The following ERI3 variants were observed in gnomAD, a reference collection of about 807,000 sequenced individuals.
ERI3 encodes ERI1 exoribonuclease family member 3, also known as ERI1 exoribonuclease 3.
In ERI3, 18 loss-of-function variants were observed where a neutral mutation model predicts 44.4. That is an observed-to-expected ratio of 0.41 (90% confidence interval 0.28 to 0.60). ERI3 has a LOEUF of 0.60. Among genes scored for constraint, ERI3 ranks in the 20% least tolerant of loss-of-function variants. ERI3 has a pLI of 0.36. For synonymous variants in ERI3, 183 were observed against 164.8 expected (o/e 1.11, Z -0.84); for missense variants, 294 against 435.5 (o/e 0.68, Z 2.89).
chr1:44,304,136 G>C (rs944007966), intron 6 of ERI3, among the ~76,000 whole-genome samples: 2 of 152,156 alleles, frequency 1.3e-5, no homozygotes, highest in Admixed American at 1.3e-4. Context: ...AGGGGCCTAT[G>C]GACGTCTAGG....
At chr1:44,282,786 T>A (rs1282197572) in intron 7 of ERI3, among the ~76,000 whole-genome samples, 1 of 152,206 alleles carries the variant, frequency 6.6e-6, no homozygotes, top group Non-Finnish European at 1.5e-5. Context: ...CACGAGGAAA[T>A]CACAAGGCCA....
At chr1:44,318,462 G>A (rs1646134984) in intron 4 of ERI3, among the ~76,000 whole-genome samples, 1 of 152,210 alleles carries the variant, frequency 6.6e-6, no homozygotes, top group South Asian at 2.1e-4. Flanking sequence ...AGGGGAAAGG[G>A]GAAACCCCGG....
chr1:44,349,781 A>C (rs897842351), intron 2 of ERI3, among the ~76,000 whole-genome samples: 5 of 152,242 alleles, frequency 3.3e-5, no homozygotes, highest in Non-Finnish European at 5.9e-5. Context: ...TCTCCATTTT[A>C]CAGATAGCAA....
Position 44,324,316 on chromosome 1 carries a change from A to G in ERI3, c.490-4572T>C, listed in dbSNP as rs565690321. Among the ~76,000 whole-genome samples the G allele has an allele frequency of 9.9e-5, 15 of 152,244 alleles. 2 individuals carry two copies. Among genetic ancestry groups the G allele is most frequent in the African/African-American group, 3.6e-4 (15 of 41,526 alleles). Reference sequence around the variant, plus strand: ...ATGGTCAGTGGTACAGCCAGGATTCAAACTCAGATATTTCACAGTTCAAAG... The same window carrying G: ...ATGGTCAGTGGTACAGCCAGGATTCGAACTCAGATATTTCACAGTTCAAAG... On this transcript the variant is annotated intron_variant, in intron 3 of 8. Coordinates refer to ENST00000372257, the MANE Select transcript of ERI3 (RefSeq NM_024066.3).
chr1:44,250,302 C>A (rs1182569160), intron 7 of ERI3, among the ~76,000 whole-genome samples: 1 of 152,216 alleles, frequency 6.6e-6, no homozygotes, highest in Non-Finnish European at 1.5e-5. Context: ...CAGGGCAGCT[C>A]AACGTTATCT....
chr1:44,224,593 C>A (rs1242323512), intron 8 of ERI3, among the ~76,000 whole-genome samples: 1 of 152,176 alleles, frequency 6.6e-6, no homozygotes, highest in Admixed American at 6.5e-5. Flanking sequence ...TTTGCACATG[C>A]TGTTCTTTAT....
intron 7 of ERI3, among the ~76,000 whole-genome samples, chr1:44,262,895 T>C (rs1480755747): frequency 5.9e-5 from 9 of 152,150 alleles, no homozygotes; most frequent in Non-Finnish European, 1.2e-4. Context: ...TCAGCCTTTC[T>C]CTGGGCCAGA....
chr1:44,278,339 T>C (rs745951240), intron 7 of ERI3, among the ~76,000 whole-genome samples: 1 of 152,102 alleles, frequency 6.6e-6, no homozygotes, highest in Non-Finnish European at 1.5e-5. Context: ...TAGCTTGGCA[T>C]GGTAGCACAC....
At chr1:44,242,588 C>T (rs1402011798) in intron 8 of ERI3, among the ~76,000 whole-genome samples, 2 of 152,208 alleles carry the variant, frequency 1.3e-5, no homozygotes, top group South Asian at 2.1e-4. Flanking sequence ...GAACCCTCTG[C>T]AGAGAGGTGG....
At chr1:44,261,682 C>T (rs557598165) in intron 7 of ERI3, among the ~76,000 whole-genome samples, 1 of 152,364 alleles carries the variant, frequency 6.6e-6, no homozygotes, top group East Asian at 1.9e-4. Context: ...AAGAAAGGCT[C>T]GTTAACAGCT....
intron 8 of ERI3, chr1:44,244,312 G>C (rs1005364139): frequency 1.3e-5 from 2 of 153,474 alleles, no homozygotes; most frequent in South Asian, 2.1e-4. Flanking sequence ...CCAGGAGGAA[G>C]TGCCCTCCCC....
intron 6 of ERI3, among the ~76,000 whole-genome samples, chr1:44,298,044 C>A (rs1344739346): frequency 6.6e-6 from 1 of 152,218 alleles, no homozygotes; most frequent in African/African-American, 2.4e-5. Context: ...ACAGAAGAGC[C>A]TGGACATGAC....
chr1:44,222,477 CACAA>C (rs768101035), intron 8 of ERI3, among the ~76,000 whole-genome samples: 5 of 152,212 alleles, frequency 3.3e-5, no homozygotes, highest in Non-Finnish European at 7.3e-5. Context: ...CAGACTCTAT[CACAA>C]ACAGTTTCTC....
intron 1 of ERI3, chr1:44,353,832 C>G (rs1400927749): frequency 1.0e-6 from 1 of 985,226 alleles, no homozygotes; most frequent in Non-Finnish European, 1.2e-6. Flanking sequence ...TGAAGCACCA[C>G]AGAATCTATA....
intron 6 of ERI3, among the ~76,000 whole-genome samples, chr1:44,305,298 C>T (rs953683235): frequency 2.0e-5 from 3 of 152,220 alleles, no homozygotes; most frequent in African/African-American, 4.8e-5. Flanking sequence ...TCAGTCTACA[C>T]CAGCGCTAAC....
rs13353031 is a variant in ERI3, at chr1:44,296,712, T to C, written c.758+11598A>G. ...GGCCCCATAATGGAAAACTCCTGGC[T>C]CTCATCACTACCTAGGTGCTCCTTG... On this transcript the variant is annotated intron_variant, in intron 6 of 8. Transcript: ENST00000372257. Among the ~76,000 whole-genome samples the C allele has an allele frequency of 5.4e-3, 823 of 152,254 alleles. 5 individuals are homozygous for C. Among genetic ancestry groups the C allele is most frequent in the African/African-American group, 0.019 (777 of 41,534 alleles).
chr1:44,267,207 G>A (rs1645006128), intron 7 of ERI3, among the ~76,000 whole-genome samples: 1 of 152,192 alleles, frequency 6.6e-6, no homozygotes, highest in African/African-American at 2.4e-5. Flanking sequence ...ACTTAGGTAA[G>A]GTGGAAACAT....
intron 3 of ERI3, chr1:44,323,020 T>C (rs1646236310): frequency 1.4e-5 from 16 of 1,107,502 alleles, no homozygotes; most frequent in Admixed American, 3.8e-5. Context: ...TTCCTGACCC[T>C]GACCTTTTCT....
intron 4 of ERI3, among the ~76,000 whole-genome samples, chr1:44,317,361 C>CTG (rs1351669191): frequency 6.6e-6 from 1 of 152,196 alleles, no homozygotes; most frequent in Non-Finnish European, 1.5e-5. Context: ...AGCCCCCATC[C>CTG]TGTGTCTATG....
Sources: allele counts gnomAD v4.1 joint callset (sites outside exome capture counted in the v4.1 genomes callset), GRCh38; gene constraint gnomAD v4.1.1; transcripts MANE v1.5; gene names NCBI Gene and HGNC (gene_info 2026-07-23, HGNC 2026-07-21).